The following FRMPD2 variants were observed in gnomAD, a reference collection of about 807,000 sequenced individuals.
FRMPD2 encodes FERM and PDZ domain containing 2, also known as FERM and PDZ domain-containing protein 2.
A neutral mutation model predicts 140.1 loss-of-function variants in FRMPD2; 96 were observed. The ratio of observed to expected loss-of-function variants is 0.69; its 90% CI spans 0.58 to 0.81. The LOEUF is 0.81. Among genes scored for constraint, FRMPD2 ranks in the 40% least tolerant of loss-of-function variants. The pLI is 0.00. For missense variants in FRMPD2, 1,240 were observed against 1,447.4 expected (o/e 0.86, Z 2.32); for synonymous variants, 449 against 547.6 (o/e 0.82, Z 2.52).
At chr10:48,234,662 G>A (rs932470676) in intron 9 of FRMPD2, among the ~76,000 whole-genome samples, 4 of 152,098 alleles carry the variant, frequency 2.6e-5, no homozygotes, top group African/African-American at 9.7e-5. Context: ...CCCAGGTAAG[G>A]GACAGAGGTC....
chr10:48,273,209 G>C (rs886523329), intron 1 of FRMPD2, among the ~76,000 whole-genome samples: 1 of 152,070 alleles, frequency 6.6e-6, no homozygotes, highest in Non-Finnish European at 1.5e-5. Context: ...TCTTAGGTTA[G>C]GCCATCTGTC....
At chr10:48,160,704 A>G (rs1837913635) in intron 28 of FRMPD2, among the ~76,000 whole-genome samples, 1 of 134,762 alleles carries the variant, frequency 7.4e-6, no homozygotes, top group South Asian at 2.3e-4. Context: ...CAGATGCCAG[A>G]CACTTAAGAG....
At chr10:48,218,549 A>T (rs1280060532) in intron 12 of FRMPD2, among the ~76,000 whole-genome samples, 1 of 152,196 alleles carries the variant, frequency 6.6e-6, no homozygotes, top group East Asian at 1.9e-4. Flanking sequence ...CCATGGGGTT[A>T]GACTCAAGTC....
chr10:48,244,195 G>A (rs1391440694), intron 4 of FRMPD2, among the ~76,000 whole-genome samples: 1 of 152,190 alleles, frequency 6.6e-6, no homozygotes, highest in Non-Finnish European at 1.5e-5. Context: ...ATGTTGGCCA[G>A]GCTTGTCTCG....
intron 8 of FRMPD2, among the ~76,000 whole-genome samples, chr10:48,237,294 G>A (rs74995928): frequency 7.3e-4 from 111 of 152,292 alleles, no homozygotes; most frequent in South Asian, 1.7e-3. Flanking sequence ...GTTCCCAATA[G>A]AAGTATCTCT....
At chr10:48,183,937 G>C (rs1478789135) in intron 20 of FRMPD2, among the ~76,000 whole-genome samples, 1 of 151,496 alleles carries the variant, frequency 6.6e-6, no homozygotes, top group African/African-American at 2.4e-5. Flanking sequence ...ACAAAGAGGG[G>C]AACAACACAC....
rs1838238217 is a variant in FRMPD2, at chr10:48,171,135, CTCTT to C, written c.3293_3296del (p.Lys1098ArgfsTer11). 1 of 795,534 alleles carries C rather than the reference CTCTT, an allele frequency of 1.3e-6. No homozygotes were observed. The highest frequency in any genetic ancestry group is 1.7e-5 in the African/African-American group (1 of 59,384). The allele number at this position is 795,534 out of a possible 1,614,324, so 49.3% of individuals were successfully genotyped here. On this transcript the variant is annotated frameshift_variant, in exon 26 of 29. Transcript: ENST00000374201. LOFTEE classifies it high-confidence loss of function. ...GATCACTTTTGAGATGGCTGCAGCT[CTCTT>C]TCTCCATCTGCACGAAACTGAATCC...
At chr10:48,186,237 A>G (rs1002891554) in intron 17 of FRMPD2, among the ~76,000 whole-genome samples, 3 of 152,188 alleles carry the variant, frequency 2.0e-5, no homozygotes, top group Admixed American at 6.5e-5. Flanking sequence ...TGTACTTGGG[A>G]AAATCCCCAA....
In FRMPD2 at chr10:48,183,851, C is replaced by CAAAAAAAAA. The variant is rs57389978; in HGVS notation, c.2584+706_2584+714dup. ...TGGGTGAAAGAGTGAGACTCCATCT[C>CAAAAAAAAA]AAAAAAAAAAAAGGAAAATCAAATA... is the stretch of plus-strand genomic sequence containing the variant. On this transcript the variant is annotated intron_variant, in intron 20 of 28. Transcript: ENST00000374201. Among the ~76,000 whole-genome samples the CAAAAAAAAA allele has an allele frequency of 7.7e-4, 59 of 76,784 alleles. 2 individuals are homozygous for CAAAAAAAAA. The highest frequency in any genetic ancestry group is 6.0e-3 in the East Asian group (17 of 2,824). 50.4% of individuals were successfully genotyped at this position (76,784 alleles called of 152,430 possible).
At chr10:48,207,445 A>G (rs1461094936) in intron 13 of FRMPD2, among the ~76,000 whole-genome samples, 1 of 152,112 alleles carries the variant, frequency 6.6e-6, no homozygotes, top group Non-Finnish European at 1.5e-5. Flanking sequence ...GAAAATGACC[A>G]TTCATTTTGG....
chr10:48,203,153 A>C (rs1439625978), intron 14 of FRMPD2, among the ~76,000 whole-genome samples: 1 of 152,162 alleles, frequency 6.6e-6, no homozygotes, highest in Non-Finnish European at 1.5e-5. Flanking sequence ...GAAAAGGGAG[A>C]ATCATTCACA....
Position 48,184,603 on chromosome 10 carries a change from G to C in FRMPD2, c.2547C>G (p.Ser849=). ...FNMAVRMIQN[S]PDNIELIISQ... ...AAATAATTAATTCTATGTTGTCAGG[G>C]GAATTCTGGATCATCCTAACAGCCA... Residue 849 remains serine (S), a synonymous_variant, in exon 20 of 29, where the codon TCC becomes TCG. Transcript: ENST00000374201. 1 of 1,612,862 alleles carries C rather than the reference G, an allele frequency of 6.2e-7. No individual in the cohort carries two copies. Among genetic ancestry groups the C allele is most frequent in the South Asian group, 1.1e-5 (1 of 91,054 alleles).
chr10:48,187,307 A>G lies in FRMPD2; in HGVS notation c.2166-15T>C. On this transcript the variant is annotated splice_polypyrimidine_tract_variant and intron_variant, in intron 16 of 28. Transcript: ENST00000374201. ...CAGTGCAGGGGCTGCCGGGAAAAGA[A>G]AATGAGGTTAGATAAGGTGGCCCAC... The G allele has an allele frequency of 1.9e-6, 3 of 1,610,074 alleles. No individual in the cohort carries two copies. The South Asian group carries it at 3.3e-5, about 18-fold the overall frequency.
intron 10 of FRMPD2, 133 bp from the exon 11 acceptor site, chr10:48,223,403 T>C: frequency 1.4e-6 from 1 of 733,852 alleles, no homozygotes; most frequent in Non-Finnish European, 2.1e-6. Context: ...GGTAAGTCTT[T>C]GCGTACCTGG....
In FRMPD2 at chr10:48,184,647, C is replaced by T. The variant is rs1588812678; in HGVS notation, c.2503G>A (p.Glu835Lys). 4 of 1,613,430 alleles carry T rather than the reference C, an allele frequency of 2.5e-6. No homozygotes were observed. The highest frequency in any genetic ancestry group is 3.4e-6 in the Non-Finnish European group (4 of 1,179,394). ...QILALNHISL[E>K]GFTFNMAVRM... ...ACAGCCATGTTGAATGTGAAGCCCT[C>T]CAGACTGATGTGATTCAGGGCTAGT... The change falls in exon 20 of 29, where the codon GAG becomes AAG. Residue 835 changes from glutamate to lysine, a missense_variant. This residue lies in a region of FRMPD2 where 1,161 missense variants were observed against 1,055.9 expected (regional missense o/e 1.10). Coordinates refer to ENST00000374201, the MANE Select transcript of FRMPD2 (RefSeq NM_001018071.4).
chr10:48,230,101 T>C (rs1839815137), intron 10 of FRMPD2, among the ~76,000 whole-genome samples: 1 of 152,214 alleles, frequency 6.6e-6, no homozygotes, highest in Non-Finnish European at 1.5e-5. Context: ...TCACTGGTTC[T>C]TTAAATGTTT....
At position 48,213,935 on chromosome 10, in the gene FRMPD2, C is replaced by T. The variant is rs578061048; in HGVS notation, c.1456-1826G>A. The stretch of plus-strand genomic sequence containing the variant: ...TGTCATATCCAACTAAATCAGAGAC[C>T]GGGAGCCAGGAAGAAAATGAACTCG... On this transcript the variant is annotated intron_variant, in intron 12 of 28. Transcript: ENST00000374201. Among the ~76,000 whole-genome samples the T allele has an allele frequency of 3.3e-5, 5 of 152,196 alleles. No individual in the cohort carries two copies. The South Asian group carries it at 6.2e-4, about 19-fold the overall frequency.
At chr10:48,249,231 C>A (rs1840323020) in intron 2 of FRMPD2, 53 bp from the exon 3 acceptor site, 1 of 1,581,616 alleles carries the variant, frequency 6.3e-7, no homozygotes, top group Non-Finnish European at 8.6e-7. Flanking sequence ...ATCTGGGGTG[C>A]CAGCATGGGA....
chr10:48,241,821 T>A lies in FRMPD2; in HGVS notation c.567+340A>T, dbSNP rs73294260. The stretch of plus-strand genomic sequence containing the variant: ...TGCAGAACCTAGAGTTGAATTTTGA[T>A]AAGAAAACTGAATCATGGGTTCTAA... On this transcript the variant is annotated intron_variant, in intron 5 of 28. Transcript: ENST00000374201. Among the ~76,000 whole-genome samples, 908 of 152,266 alleles carry A rather than the reference T, an allele frequency of 6.0e-3. 11 individuals carry two copies. The highest frequency in any genetic ancestry group is 0.021 in the African/African-American group (874 of 41,554).
Sources: allele counts gnomAD v4.1 joint callset (sites outside exome capture counted in the v4.1 genomes callset), GRCh38; gene constraint gnomAD v4.1.1; regional missense constraint gnomAD v4.1.1; transcripts MANE v1.5; gene names NCBI Gene and HGNC (gene_info 2026-07-23, HGNC 2026-07-21).